Variants in CSTPP1 observed in about 807,000 individuals in gnomAD.
CSTPP1 encodes UPF0705 protein C11orf49.
At chr11:47,116,282 T>A in the CSTPP1 span, among the ~76,000 whole-genome samples, 1 of 152,242 alleles carries the variant, frequency 6.6e-6, no homozygotes, top group South Asian at 2.1e-4. Flanking sequence ...CTGAGAAGAA[T>A]GTATATTCTG....
At chr11:46,999,519 G>C in the CSTPP1 span, among the ~76,000 whole-genome samples, 5 of 152,082 alleles carry the variant, frequency 3.3e-5, no homozygotes, top group Admixed American at 3.3e-4. Flanking sequence ...CATATTTGGA[G>C]GTTTCTTCTA....
chr11:46,973,869 A>G, the CSTPP1 span, among the ~76,000 whole-genome samples: 2 of 152,092 alleles, frequency 1.3e-5, no homozygotes, highest in Non-Finnish European at 2.9e-5. Flanking sequence ...ATATTTTTAT[A>G]TAATGCTGTG....
the CSTPP1 span, among the ~76,000 whole-genome samples, chr11:47,043,799 C>G: frequency 6.6e-6 from 1 of 152,090 alleles, no homozygotes; most frequent in East Asian, 1.9e-4. Flanking sequence ...TGAGACCAGC[C>G]TGGGCAACAT....
the CSTPP1 span, among the ~76,000 whole-genome samples, chr11:47,163,047 C>T: frequency 6.6e-6 from 1 of 151,978 alleles, no homozygotes; most frequent in East Asian, 1.9e-4. Flanking sequence ...TGGTAGCTTG[C>T]ACCTGTAGTC....
the CSTPP1 span, among the ~76,000 whole-genome samples, chr11:46,949,137 GTTA>G: frequency 2.0e-5 from 3 of 151,900 alleles, no homozygotes; most frequent in African/African-American, 7.2e-5. Flanking sequence ...AGAAAACACT[GTTA>G]TTATTCTCCT....
the CSTPP1 span, among the ~76,000 whole-genome samples, chr11:46,939,114 G>C: frequency 7.3e-6 from 1 of 136,394 alleles, no homozygotes; most frequent in Non-Finnish European, 1.6e-5. Context: ...TTTTGAGATG[G>C]AGTTTCACTC....
chr11:46,955,727 C>T, the CSTPP1 span, among the ~76,000 whole-genome samples: 3 of 151,926 alleles, frequency 2.0e-5, no homozygotes, highest in Admixed American at 6.6e-5. Flanking sequence ...CGTGGTGGCT[C>T]ATGCCTGCAA....
chr11:47,084,662 G>A, the CSTPP1 span, among the ~76,000 whole-genome samples: 4 of 152,070 alleles, frequency 2.6e-5, no homozygotes, highest in African/African-American at 9.7e-5. Context: ...TCTCCTACTT[G>A]TTGTGGTTCC....
the CSTPP1 span, among the ~76,000 whole-genome samples, chr11:47,048,477 TGAAGGAAGGAAA>T: frequency 6.6e-6 from 1 of 151,336 alleles, no homozygotes; most frequent in Admixed American, 6.6e-5. Flanking sequence ...TTAAAAATTA[TGAAGGAAGGAAA>T]GAAGGAAGGA....
the CSTPP1 span, chr11:47,161,144 G>C: frequency 1.2e-6 from 2 of 1,614,198 alleles, no homozygotes; most frequent in Non-Finnish European, 1.7e-6. Flanking sequence ...GCCTGACAAG[G>C]GGGATCTGAT....
At chr11:46,993,577 A>G in the CSTPP1 span, among the ~76,000 whole-genome samples, 9 of 152,200 alleles carry the variant, frequency 5.9e-5, no homozygotes, top group African/African-American at 2.2e-4. Context: ...GTCAAAGATC[A>G]GATGGTTGTA....
the CSTPP1 span, chr11:47,162,306 C>T: frequency 5.2e-5 from 50 of 966,590 alleles, no homozygotes; most frequent in Non-Finnish European, 5.5e-5. Context: ...TTTGGGTTTT[C>T]GGTGCTTTTC....
chr11:47,110,506 A>G, the CSTPP1 span, among the ~76,000 whole-genome samples: 10 of 152,206 alleles, frequency 6.6e-5, no homozygotes, highest in Non-Finnish European at 1.3e-4. Context: ...GTCGCTCTTC[A>G]TTTCTTCTGA....
chr11:47,043,220 G>T, the CSTPP1 span, among the ~76,000 whole-genome samples: 1 of 152,096 alleles, frequency 6.6e-6, no homozygotes, highest in African/African-American at 2.4e-5. Context: ...AAAAAGTTAT[G>T]ACTGCTACCT....
the CSTPP1 span, among the ~76,000 whole-genome samples, chr11:47,038,837 C>T: frequency 1.7e-5 from 2 of 116,412 alleles, no homozygotes; most frequent in South Asian, 2.9e-4. Context: ...GGGCGGTTGC[C>T]AGGCAGAGGG....
At chr11:47,013,375 A>G in the CSTPP1 span, among the ~76,000 whole-genome samples, 1 of 152,056 alleles carries the variant, frequency 6.6e-6, no homozygotes, top group Admixed American at 6.6e-5. Context: ...AGCATGCAAT[A>G]GCTATTTTTC....
At chr11:46,996,077 T>G in the CSTPP1 span, among the ~76,000 whole-genome samples, 2 of 152,204 alleles carry the variant, frequency 1.3e-5, no homozygotes, top group Non-Finnish European at 2.9e-5. Flanking sequence ...AAAGTCTGTT[T>G]AATCAAAGAC....
the CSTPP1 span, among the ~76,000 whole-genome samples, chr11:47,085,679 C>T: frequency 2.0e-5 from 3 of 151,928 alleles, no homozygotes; most frequent in African/African-American, 7.3e-5. Flanking sequence ...CACCTGAGGT[C>T]AGGAGTTCGA....
the CSTPP1 span, among the ~76,000 whole-genome samples, chr11:47,162,667 T>C: frequency 6.6e-6 from 1 of 152,016 alleles, no homozygotes; most frequent in African/African-American, 2.4e-5. Flanking sequence ...AGGACGAGTG[T>C]CTTCAACTTC....
Sources: allele counts gnomAD v4.1 joint callset (sites outside exome capture counted in the v4.1 genomes callset), GRCh38; gene constraint gnomAD v4.1.1; transcripts MANE v1.5; gene names NCBI Gene and HGNC (gene_info 2026-07-23, HGNC 2026-07-21).